Variants in SPATA13 observed in about 807,000 individuals in gnomAD.
The protein encoded by SPATA13 is spermatogenesis-associated protein 13.
SPATA13 carries 50 observed loss-of-function variants against 104.0 expected under a neutral mutation model. The observed-to-expected ratio is 0.48, with a 90% CI of 0.38 to 0.61. The LOEUF (loss-of-function observed/expected upper bound fraction) is 0.61. SPATA13 is among the 20% of genes least tolerant of loss of function. The pLI is 0.00. For missense variants in SPATA13, 1,524 were observed against 1,690.6 expected (o/e 0.90, Z 1.73); for synonymous variants, 606 against 667.5 (o/e 0.91, Z 1.42).
In SPATA13 at chr13:24,021,336, A is replaced by C. The variant is rs375468247; in HGVS notation, c.-112+3635A>C. Among the ~76,000 whole-genome samples the C allele has an allele frequency of 3.9e-5, 6 of 152,284 alleles. No individual in the cohort carries two copies. The East Asian group carries it at 9.7e-4, about 25-fold the overall frequency. On this transcript the variant is annotated intron_variant, in intron 3 of 14. Transcript: ENST00000424834. The stretch of plus-strand genomic sequence containing the variant: ...AGCTTGCATAAAGATGATTAAGAGA[A>C]TATCAGGCATAGGGCAGACAGTGAG...
chr13:24,223,250 C>G lies in SPATA13; in HGVS notation c.321C>G (p.Ser107=). The change falls in exon 2 of 13, where the codon TCC becomes TCG. Residue 107 remains serine, a synonymous_variant. Transcript: ENST00000382108. ...CCTCCACATGGAACACCCTCGCCTC[C>G]TTCCGGAAAATGGGATCCTTTAAGA... The part of the protein sequence containing the change: ...GNSSTWNTLA[S]FRKMGSFKKL... 1 of 1,551,740 alleles carries G rather than the reference C, an allele frequency of 6.4e-7. No individual in the cohort carries two copies. The highest frequency in any genetic ancestry group is 2.4e-5 in the East Asian group (1 of 40,916).
chr13:24,201,356 T>C (rs1870393174), intron 1 of SPATA13, among the ~76,000 whole-genome samples: 1 of 152,202 alleles, frequency 6.6e-6, no homozygotes, highest in Non-Finnish European at 1.5e-5. Flanking sequence ...CTTTTATTAT[T>C]ATCATTTTGC....
At chr13:24,215,403 C>T (rs533379324) in intron 1 of SPATA13, among the ~76,000 whole-genome samples, 1 of 152,196 alleles carries the variant, frequency 6.6e-6, no homozygotes, top group South Asian at 2.1e-4. Flanking sequence ...GAAAGGGCCT[C>T]TTCTGGGCCT....
At chr13:24,134,839 A>G (rs1881507007) in intron 3 of SPATA13, among the ~76,000 whole-genome samples, 1 of 152,170 alleles carries the variant, frequency 6.6e-6, no homozygotes, top group African/African-American at 2.4e-5. Context: ...TTGAAGTCCT[A>G]ATTTCCAGAA....
intron 3 of SPATA13, among the ~76,000 whole-genome samples, chr13:24,066,224 G>T (rs7991661): frequency 6.6e-6 from 1 of 151,864 alleles, no homozygotes; most frequent in Non-Finnish European, 1.5e-5. Flanking sequence ...ACCCCAAAAT[G>T]CCAAGCCCCA....
intron 4 of SPATA13, among the ~76,000 whole-genome samples, chr13:24,276,084 C>T (rs1185293581): frequency 6.6e-6 from 1 of 152,010 alleles, no homozygotes; most frequent in Non-Finnish European, 1.5e-5. Context: ...ATGGAGAGTC[C>T]TCCAAAAATT....
At chr13:23,989,777 G>C (rs1358389985) in intron 2 of SPATA13, among the ~76,000 whole-genome samples, 1 of 152,150 alleles carries the variant, frequency 6.6e-6, no homozygotes, top group Non-Finnish European at 1.5e-5. Context: ...CAGAAGTGAG[G>C]CCTTGGGAAG....
chr13:24,123,359 A>T, intron 3 of SPATA13: 1 of 1,309,322 alleles, frequency 7.6e-7, no homozygotes, highest in Non-Finnish European at 1.1e-6. Context: ...AGAAATAGTG[A>T]ATTACCCAGC....
At chr13:24,220,574 T>C (rs958468607) in intron 1 of SPATA13, among the ~76,000 whole-genome samples, 1 of 152,278 alleles carries the variant, frequency 6.6e-6, no homozygotes, top group Admixed American at 6.5e-5. Context: ...ACAGGCTTCA[T>C]ATCCAGTCTC....
In SPATA13 at chr13:24,102,068, T is replaced by C. The variant is rs111892356; in HGVS notation, c.-112+84367T>C. 9.1e-3 allele frequency among the ~76,000 whole-genome samples: 1,387 copies of C among 152,312 alleles called. 39 individuals carry two copies. Among genetic ancestry groups the C allele is most frequent in the African/African-American group, 0.031 (1,306 of 41,566 alleles). On this transcript the variant is annotated intron_variant, in intron 3 of 14. Transcript: ENST00000424834. ...TTGAGAAATTTCTATATTTTTTCCA[T>C]AGCAGCTGCACCATTTTACATTCCC...
At chr13:24,154,526 C>CG (rs373290103) in intron 3 of SPATA13, among the ~76,000 whole-genome samples, 36 of 151,482 alleles carry the variant, frequency 2.4e-4, no homozygotes, top group African/African-American at 7.5e-4. Context: ...GCATTGCTAA[C>CG]GGGGGGGAGG....
At chr13:24,057,012 T>TCC (rs1878577542) in intron 3 of SPATA13, among the ~76,000 whole-genome samples, 1 of 142,002 alleles carries the variant, frequency 7.0e-6, no homozygotes, top group East Asian at 2.0e-4. Flanking sequence ...TCTTTCTCTC[T>TCC]CTCTCTCTCT....
chr13:23,989,435 A>G (rs1875304069), intron 2 of SPATA13, among the ~76,000 whole-genome samples: 1 of 152,046 alleles, frequency 6.6e-6, no homozygotes, highest in South Asian at 2.1e-4. Flanking sequence ...AAAAAAAAAG[A>G]TTTACTCAAG....
At chr13:24,247,466 G>A (rs1873203794) in intron 2 of SPATA13, among the ~76,000 whole-genome samples, 1 of 123,688 alleles carries the variant, frequency 8.1e-6, no homozygotes, top group Non-Finnish European at 1.7e-5. Context: ...TGTGCTCTTT[G>A]CTCCACATTC....
At chr13:24,229,006 C>T (rs1872108098) in intron 2 of SPATA13, among the ~76,000 whole-genome samples, 1 of 152,178 alleles carries the variant, frequency 6.6e-6, no homozygotes, top group African/African-American at 2.4e-5. Flanking sequence ...CAAAGCATGC[C>T]ATGCTCCTGC....
rs1267426967 is a variant in SPATA13, at chr13:24,295,014, C to T, written c.3210+146C>T. 3.9e-5 allele frequency: 31 copies of T among 795,138 alleles called. No homozygotes were observed. In the South Asian group the frequency reaches 5.7e-4, roughly 15 times the overall value. 49.3% of individuals were successfully genotyped at this position (795,138 alleles called of 1,614,324 possible). On this transcript the variant is annotated intron_variant, in intron 10 of 12. Coordinates refer to ENST00000382108, the MANE Select transcript of SPATA13 (RefSeq NM_001166271.3). The stretch of plus-strand genomic sequence containing the variant: ...TATACCATTAATGGTAAATGTATTT[C>T]GAGGCATACTGTTGAATTTAACAGT...
intron 2 of SPATA13, among the ~76,000 whole-genome samples, chr13:23,996,437 G>A (rs1387060583): frequency 1.3e-5 from 2 of 152,156 alleles, no homozygotes; most frequent in Non-Finnish European, 2.9e-5. Context: ...TCAGTCTCCA[G>A]AACCAGAAGA....
At chr13:24,277,734 A>G (rs889601753) in intron 4 of SPATA13, among the ~76,000 whole-genome samples, 42 of 152,300 alleles carry the variant, frequency 2.8e-4, no homozygotes, top group African/African-American at 8.7e-4. Flanking sequence ...GTACTATGCT[A>G]GGGGCTGGGA....
chr13:24,187,707 C>T (rs1869239029), intron 1 of SPATA13, among the ~76,000 whole-genome samples: 1 of 152,256 alleles, frequency 6.6e-6, no homozygotes, highest in East Asian at 1.9e-4. Flanking sequence ...GCTTCATGAA[C>T]TACACCTATA....
Sources: gnomAD v4.1 joint callset for allele counts (sites outside exome capture counted in the v4.1 genomes callset) on GRCh38, gnomAD v4.1.1 for gene constraint, MANE v1.5 for transcripts, NCBI Gene and HGNC (gene_info 2026-07-23, HGNC 2026-07-21) for gene names.